Variants in CPA6 observed in about 807,000 individuals in gnomAD.
CPA6 encodes the protein carboxypeptidase B.
Under a neutral mutation model 63.3 loss-of-function variants are expected in CPA6, and 58 were observed. That is an observed-to-expected ratio of 0.92 (90% confidence interval 0.74 to 1.14). The LOEUF is 1.14. Among genes scored for constraint, CPA6 ranks in the 50% most tolerant of loss-of-function variants. The probability of loss-of-function intolerance (pLI) is 0.00; values close to 1 mark genes in which losing one functional copy is unlikely to be tolerated. For missense variants in CPA6, 565 were observed against 526.6 expected, an observed-to-expected ratio of 1.07 and a Z score of -0.71; for synonymous variants, 185 against 179.0, an observed-to-expected ratio of 1.03 and a Z score of -0.27.
At chr8:67,449,483 C>T (rs1810506994) in intron 8 of CPA6, among the ~76,000 whole-genome samples, 1 of 152,098 alleles carries the variant, frequency 6.6e-6, no homozygotes, top group Admixed American at 6.5e-5. Context: ...TATCCAATTC[C>T]TAAAAGCAGA....
chr8:67,612,215 T>A lies in CPA6; in HGVS notation c.192+11961A>T, dbSNP rs144910233. 9.8e-5 allele frequency among the ~76,000 whole-genome samples: 15 copies of A among 152,302 alleles called. No individual in the cohort carries two copies. In the East Asian group the frequency reaches 2.7e-3, roughly 27 times the overall value. Reference sequence around the variant, plus strand: ...AGAAGGGAAGGAGGAAAGAAAAGTATATCCTGCCATTCCATTGTTTATCTT... The same window carrying A: ...AGAAGGGAAGGAGGAAAGAAAAGTAAATCCTGCCATTCCATTGTTTATCTT... On this transcript the variant is annotated intron_variant, in intron 2 of 10. Transcript: ENST00000297770.
At chr8:67,441,236 A>G (rs1458489148) in intron 8 of CPA6, among the ~76,000 whole-genome samples, 1 of 152,254 alleles carries the variant, frequency 6.6e-6, no homozygotes, top group Non-Finnish European at 1.5e-5. Context: ...AAGGATGTGC[A>G]GTAGAAAATA....
intron 1 of CPA6, among the ~76,000 whole-genome samples, chr8:67,641,845 C>T (rs1214999517): frequency 6.6e-6 from 1 of 151,766 alleles, no homozygotes; most frequent in Admixed American, 6.6e-5. Flanking sequence ...AGTTATAAAA[C>T]TAGTGAGAGA....
chr8:67,451,257 C>G (rs1404148967), intron 8 of CPA6, among the ~76,000 whole-genome samples: 1 of 152,196 alleles, frequency 6.6e-6, no homozygotes, highest in Non-Finnish European at 1.5e-5. Flanking sequence ...GTATTTATAG[C>G]TGCTTCCCGT....
intron 2 of CPA6, among the ~76,000 whole-genome samples, chr8:67,572,294 G>T (rs1382057448): frequency 6.6e-6 from 1 of 152,190 alleles, no homozygotes; most frequent in African/African-American, 2.4e-5. Context: ...TCAATGGCAG[G>T]TGCTGGGGTT....
At chr8:67,487,693 A>C (rs1047742700) in intron 6 of CPA6, among the ~76,000 whole-genome samples, 1 of 152,098 alleles carries the variant, frequency 6.6e-6, no homozygotes, top group African/African-American at 2.4e-5. Context: ...AAGTGTTCCT[A>C]TTTCTCCACA....
At chr8:67,582,088 C>T (rs1228612557) in intron 2 of CPA6, among the ~76,000 whole-genome samples, 1 of 152,012 alleles carries the variant, frequency 6.6e-6, no homozygotes, top group Non-Finnish European at 1.5e-5. Context: ...TCTGATGAAA[C>T]CCCTGAAGGG....
intron 2 of CPA6, among the ~76,000 whole-genome samples, chr8:67,582,192 G>A (rs969703287): frequency 2.0e-5 from 3 of 152,168 alleles, no homozygotes; most frequent in East Asian, 1.9e-4. Flanking sequence ...ATAAAATCAC[G>A]TAAGGGTGGC....
intron 1 of CPA6, among the ~76,000 whole-genome samples, chr8:67,710,036 C>T (rs936517011): frequency 2.0e-5 from 3 of 151,986 alleles, no homozygotes; most frequent in Non-Finnish European, 2.9e-5. Context: ...TCGCTTGAAC[C>T]CAGGAGGCAG....
chr8:67,572,629 G>A (rs868351425), intron 2 of CPA6, among the ~76,000 whole-genome samples: 3 of 152,038 alleles, frequency 2.0e-5, no homozygotes, highest in South Asian at 2.1e-4. Context: ...CTTTTATAGC[G>A]ACACAAAATG....
Position 67,422,705 on chromosome 8 carries a change from C to CAAA in CPA6, c.1127-17_1127-15dup. ...CAGAGCTCACATCTAAAAGTTAAAA[C>CAAA]AAAAAAAAAAAGATCAGCCTCACTA... On this transcript the variant is annotated splice_polypyrimidine_tract_variant and intron_variant, in intron 10 of 10. Coordinates refer to ENST00000297770, the MANE Select transcript of CPA6 (RefSeq NM_020361.5). 2.4e-6 allele frequency: 3 copies of CAAA among 1,228,968 alleles called. No homozygotes were observed. Among genetic ancestry groups the CAAA allele is most frequent in the African/African-American group, 1.6e-5 (1 of 63,686 alleles). 76.1% of individuals were successfully genotyped at this position (1,228,968 alleles called of 1,614,324 possible). A position where few individuals can be genotyped will look rare whatever the true frequency, so the allele number is the denominator to read the frequency against.
At chr8:67,589,350 A>C (rs1289496200) in intron 2 of CPA6, among the ~76,000 whole-genome samples, 1 of 152,238 alleles carries the variant, frequency 6.6e-6, no homozygotes, top group East Asian at 1.9e-4. Context: ...GGCAAATGAA[A>C]ATATACCTTG....
At chr8:67,646,512 G>A (rs1304400523) in intron 1 of CPA6, among the ~76,000 whole-genome samples, 1 of 152,204 alleles carries the variant, frequency 6.6e-6, no homozygotes, top group Non-Finnish European at 1.5e-5. Context: ...CCTCTCTGGA[G>A]GTGCTGTGGA....
chr8:67,624,223 T>C lies in CPA6; in HGVS notation c.145A>G (p.Thr49Ala), dbSNP rs150257561. ...TTCAGTGCATATGCTTCCTCTTCTGTTTTGGGAATAAATCTTATCACTTTA... is the reference window on the plus strand; with the variant it reads ...TTCAGTGCATATGCTTCCTCTTCTGCTTTGGGAATAAATCTTATCACTTTA... ...GDKVIRFIPK[T>A]EEEAYALKKI... Residue 49 changes from threonine to alanine, a missense_variant, in exon 2 of 11, where the codon ACA becomes GCA. Transcript: ENST00000297770. The C allele has an allele frequency of 5.8e-6, 9 of 1,548,630 alleles. No individual in the cohort carries two copies. In the East Asian group the frequency reaches 1.1e-4, roughly 19 times the overall value.
At chr8:67,560,477 A>G (rs923784497) in intron 2 of CPA6, among the ~76,000 whole-genome samples, 1 of 152,192 alleles carries the variant, frequency 6.6e-6, no homozygotes, top group Non-Finnish European at 1.5e-5. Flanking sequence ...AGAGGCACAG[A>G]GCACTGGTTC....
chr8:67,657,798 C>CA (rs1380660998), intron 1 of CPA6, among the ~76,000 whole-genome samples: 7 of 152,238 alleles, frequency 4.6e-5, no homozygotes, highest in Non-Finnish European at 7.3e-5. Flanking sequence ...ACTGGTTCTG[C>CA]AGGACCTGCC....
At chr8:67,592,508 A>C (rs1425650166) in intron 2 of CPA6, among the ~76,000 whole-genome samples, 34 of 151,712 alleles carry the variant, frequency 2.2e-4, no homozygotes, top group African/African-American at 8.2e-4. Context: ...CTGTGAATCC[A>C]TCTGGTCCTG....
intron 1 of CPA6, among the ~76,000 whole-genome samples, chr8:67,637,738 A>G (rs969851966): frequency 3.3e-5 from 5 of 151,444 alleles, no homozygotes; most frequent in African/African-American, 1.2e-4. Context: ...TACATAGAAA[A>G]TATGTAGTAA....
At chr8:67,657,837 C>T (rs1440040923) in intron 1 of CPA6, among the ~76,000 whole-genome samples, 2 of 152,202 alleles carry the variant, frequency 1.3e-5, no homozygotes, top group South Asian at 2.1e-4. Context: ...ACTTTCTCCT[C>T]ATGCCAGTGC....
Sources: allele counts gnomAD v4.1 joint callset (sites outside exome capture counted in the v4.1 genomes callset), GRCh38; gene constraint gnomAD v4.1.1; transcripts MANE v1.5; gene names NCBI Gene and HGNC (gene_info 2026-07-23, HGNC 2026-07-21).